Variants in CR1 observed in about 807,000 individuals in gnomAD.
CR1 encodes the protein complement receptor type 1.
In CR1, 116 loss-of-function variants were observed where a neutral mutation model predicts 187.3. The ratio of observed to expected loss-of-function variants is 0.62; its 90% confidence interval spans 0.53 to 0.72. The LOEUF (loss-of-function observed/expected upper bound fraction) is 0.72, where lower values mean the gene tolerates loss of function less well. Among genes scored for constraint, CR1 ranks in the 30% least tolerant of loss-of-function variants. The pLI is 0.00. For missense variants in CR1, 1,731 were observed against 2,110.7 expected (o/e 0.82, Z 3.52); for synonymous variants, 576 against 747.1 (o/e 0.77, Z 3.73).
chr1:207,525,698 C>T (rs1660146437), intron 5 of CR1, among the ~76,000 whole-genome samples: 2 of 151,668 alleles, frequency 1.3e-5, no homozygotes, highest in South Asian at 2.1e-4. Flanking sequence ...GCTTCCTTTG[C>T]TAGCTGTCAA....
At chr1:207,598,200 A>G (rs1661501842) in intron 35 of CR1, among the ~76,000 whole-genome samples, 1 of 152,202 alleles carries the variant, frequency 6.6e-6, no homozygotes, top group Non-Finnish European at 1.5e-5. Flanking sequence ...CATTGATGCC[A>G]CTGAATTATA....
chr1:207,621,959 T>A lies in CR1; in HGVS notation c.7253-14T>A. On this transcript the variant is annotated splice_polypyrimidine_tract_variant and intron_variant, in intron 43 of 46. Transcript: ENST00000367049. Reference sequence around the variant, plus strand: ...TGCCAGAGTGATGTTTTGTGACTTTTGTCTTCCTTTTAGGTACACATGATG... The same window carrying A: ...TGCCAGAGTGATGTTTTGTGACTTTAGTCTTCCTTTTAGGTACACATGATG... The A allele has an allele frequency of 6.3e-7, 1 of 1,593,726 alleles. No individual in the cohort carries two copies. The highest frequency in any genetic ancestry group is 8.6e-7 in the Non-Finnish European group (1 of 1,168,038).
chr1:207,587,669 C>G, intron 34 of CR1, 104 bp downstream of exon 34: 1 of 1,147,280 alleles, frequency 8.7e-7, no homozygotes, highest in Non-Finnish European at 1.2e-6. Flanking sequence ...GAGGCCAAGG[C>G]TGGCAGATAG....
At chr1:207,573,190 C>T (rs892760006) in intron 27 of CR1, among the ~76,000 whole-genome samples, 4 of 152,148 alleles carry the variant, frequency 2.6e-5, no homozygotes, top group East Asian at 1.9e-4. Context: ...GCTCAGCACA[C>T]GGTGGAGGCT....
Position 207,636,844 on chromosome 1 carries a change from A to G in CR1, c.7458-2553A>G, listed in dbSNP as rs1479238820. 2.0e-5 allele frequency among the ~76,000 whole-genome samples: 3 copies of G among 152,308 alleles called. No homozygotes were observed. In the South Asian group the frequency reaches 6.2e-4, roughly 32 times the overall value. The stretch of plus-strand genomic sequence containing the variant: ...AATCCACACGGCTTCTCTTGCCCTC[A>G]CCAGCAGAATACACTGTTGCCAATT... On this transcript the variant is annotated intron_variant, in intron 46 of 46. Coordinates refer to ENST00000367049, the MANE Select transcript of CR1 (RefSeq NM_000651.6).
intron 32 of CR1, among the ~76,000 whole-genome samples, chr1:207,583,678 T>C (rs944344090): frequency 6.6e-6 from 1 of 152,338 alleles, no homozygotes; most frequent in South Asian, 2.1e-4. Flanking sequence ...ATCATTTCAA[T>C]GTCTTGTATT....
intron 45 of CR1, among the ~76,000 whole-genome samples, chr1:207,629,723 T>G (rs1662585784): frequency 6.6e-6 from 1 of 152,188 alleles, no homozygotes; most frequent in Non-Finnish European, 1.5e-5. Flanking sequence ...TGGTACTGTT[T>G]TATCATTTCA....
chr1:207,629,358 C>T (rs755133608), intron 45 of CR1, among the ~76,000 whole-genome samples: 1 of 152,098 alleles, frequency 6.6e-6, no homozygotes, highest in Non-Finnish European at 1.5e-5. Context: ...ATATACTCAC[C>T]GAGATCATAT....
At chr1:207,510,434 A>G (rs1313369418) in intron 3 of CR1, among the ~76,000 whole-genome samples, 1 of 152,252 alleles carries the variant, frequency 6.6e-6, no homozygotes, top group Non-Finnish European at 1.5e-5. Context: ...CAAAGTTCTC[A>G]GCTATACCAA....
At chr1:207,579,283 G>C (rs545909046) in intron 29 of CR1, among the ~76,000 whole-genome samples, 2 of 152,304 alleles carry the variant, frequency 1.3e-5, no homozygotes, top group East Asian at 3.9e-4. Context: ...AGGTGTTATG[G>C]TTGATACATA....
chr1:207,616,152 G>A (rs1467833180), intron 40 of CR1, among the ~76,000 whole-genome samples: 1 of 152,112 alleles, frequency 6.6e-6, no homozygotes, highest in East Asian at 1.9e-4. Context: ...TGCTAAAGAT[G>A]ATAGCTCATG....
chr1:207,587,533 T>C lies in CR1; in HGVS notation c.5678T>C (p.Leu1893Ser). 6.2e-7 allele frequency: 1 copy of C among 1,613,936 alleles called. No homozygotes were observed. Among genetic ancestry groups the C allele is most frequent in the Non-Finnish European group, 8.5e-7 (1 of 1,179,826 alleles). ...KMFSISCLEN[L>S]VWSSVEDNCR... ...TTCTCTATCTCCTGCCTAGAAAACT[T>C]GGTCTGGTCAAGTGTTGAAGACAAC... The change falls in exon 34 of 47, where the codon TTG (leucine) becomes TCG (serine). Residue 1893 changes from leucine (L) to serine (S), a missense_variant. Leu to Ser is a moderately radical substitution (Grantham distance 145). Coordinates refer to ENST00000367049, the MANE Select transcript of CR1 (RefSeq NM_000651.6).
In CR1 at chr1:207,526,079, G is replaced by A. The variant is rs111418973; in HGVS notation, c.887-674G>A. Among the ~76,000 whole-genome samples the A allele has an allele frequency of 2.3e-3, 356 of 152,144 alleles. 7 individuals carry two copies. The highest frequency in any genetic ancestry group is 8.2e-3 in the African/African-American group (341 of 41,432). On this transcript the variant is annotated intron_variant, in intron 5 of 46. Coordinates refer to ENST00000367049, the MANE Select transcript of CR1 (RefSeq NM_000651.6). Reference sequence around the variant, plus strand: ...CAGCGCTGCCCTTACAATATGTTGCGTAAATATACACTCTCATCATGGTGA... The same window carrying A: ...CAGCGCTGCCCTTACAATATGTTGCATAAATATACACTCTCATCATGGTGA...
chr1:207,609,695 G>A lies in CR1; in HGVS notation c.6295+7G>A, dbSNP rs1661864608. ...CTGCCACACTGCTCCAGGGGTGAGT[G>A]TGACCCATCAAGACTTTGCTGGGTG... On this transcript the variant is annotated splice_region_variant and intron_variant, in intron 37 of 46. Coordinates refer to ENST00000367049, the MANE Select transcript of CR1 (RefSeq NM_000651.6). The A allele has an allele frequency of 6.4e-7, 1 of 1,558,538 alleles. No homozygotes were observed. The highest frequency in any genetic ancestry group is 8.7e-7 in the Non-Finnish European group (1 of 1,154,914).
intron 41 of CR1, among the ~76,000 whole-genome samples, 195 bp from the exon 42 acceptor site, chr1:207,617,876 T>C (rs56335160): frequency 9.7e-4 from 148 of 151,868 alleles, no homozygotes; most frequent in African/African-American, 3.3e-3. Context: ...TAGAGGATAG[T>C]GTTTAAATGT....
At chr1:207,520,917 G>GT (rs1339917328) in intron 4 of CR1, among the ~76,000 whole-genome samples, 7 of 143,254 alleles carry the variant, frequency 4.9e-5, no homozygotes, top group Admixed American at 4.8e-4. Flanking sequence ...TTGTGTCTAG[G>GT]TAAGAATTTC....
At chr1:207,506,476 G>C (rs1237416603) in intron 2 of CR1, among the ~76,000 whole-genome samples, 1 of 152,138 alleles carries the variant, frequency 6.6e-6, no homozygotes, top group Non-Finnish European at 1.5e-5. Context: ...TAATAACAAA[G>C]TTTACATTTT....
At position 207,618,224 on chromosome 1, in the gene CR1, G is replaced by A. The variant is rs759100881; in HGVS notation, c.7043G>A (p.Ser2348Asn). ...TTCTGTACAGACCAGGGAATCTGGA[G>A]CCAATTGGATCATTATTGCAAAGGT... ...FIFCTDQGIW[S>N]QLDHYCKEVN... Residue 2348 changes from serine to asparagine, a missense_variant, in exon 42 of 47, where the codon AGC (serine) becomes AAC (asparagine). By Grantham distance (46) the Ser-to-Asn change is conservative (BLOSUM62 1). This residue lies in a region of CR1 where 1,312 missense variants were observed against 1,379.6 expected (regional missense o/e 0.95). Transcript: ENST00000367049. The A allele has an allele frequency of 1.9e-6, 3 of 1,613,502 alleles. No homozygotes were observed. Among genetic ancestry groups the A allele is most frequent in the African/African-American group, 1.3e-5 (1 of 74,892 alleles).
chr1:207,585,728 C>T (rs1244684496), intron 33 of CR1, among the ~76,000 whole-genome samples: 1 of 152,184 alleles, frequency 6.6e-6, no homozygotes, highest in African/African-American at 2.4e-5. Context: ...TGGTACCCAT[C>T]AGAATGCAGT....
Sources: gnomAD v4.1 joint callset for allele counts (sites outside exome capture counted in the v4.1 genomes callset) on GRCh38, gnomAD v4.1.1 for gene constraint, gnomAD v4.1.1 regional missense constraint, MANE v1.5 for transcripts, NCBI Gene and HGNC (gene_info 2026-07-23, HGNC 2026-07-21) for gene names.